Variants in PAPOLB observed in about 807,000 individuals in gnomAD.
PAPOLB encodes the protein poly(A) polymerase beta, also known as PAP-beta.
Under a neutral mutation model 23.2 loss-of-function variants are expected in PAPOLB, and 19 were observed. The ratio of observed to expected loss-of-function variants is 0.82; its 90% CI spans 0.57 to 1.20. The LOEUF (loss-of-function observed/expected upper bound fraction) is 1.20, where lower values mean the gene tolerates loss of function less well. Ranked by LOEUF, PAPOLB falls within the 50% of genes most tolerant of loss-of-function variation. PAPOLB has a pLI of 0.00. For missense variants in PAPOLB, 822 were observed against 776.8 expected (o/e 1.06, Z -0.69); for synonymous variants, 360 against 290.7 (o/e 1.24, Z -2.43).
In PAPOLB at chr7:4,860,545, A is replaced by T; in HGVS notation, c.1266T>A (p.Phe422Leu). The T allele has an allele frequency of 3.1e-6, 5 of 1,614,240 alleles. No homozygotes were observed. ...TATCAGGATTTTCTTTGGGTGCTGG[A>T]AATGACTGTGGATTCACATGTGCCA... Reference protein sequence around the residue: ...ITLAHVNPQSFPAPKENPDME... With the variant: ...ITLAHVNPQSLPAPKENPDME... Residue 422 changes from phenylalanine (F) to leucine (L), a missense_variant, in exon 1 of 1, where the codon TTT becomes TTA. Around this residue, in one of 3 missense-constraint regions of PAPOLB, gnomAD observed 534 missense variants for 502.8 expected, o/e 1.06. Coordinates refer to ENST00000404991, the MANE Select transcript of PAPOLB (RefSeq NM_020144.5).
rs1784017540 is a variant in PAPOLB at position 4,861,875 on chromosome 7, G to A, written c.-65C>T. The A allele has an allele frequency of 8.5e-7, 1 of 1,178,500 alleles. No individual in the cohort carries two copies. Among genetic ancestry groups the A allele is most frequent in the Middle Eastern group, 3.0e-4 (1 of 3,322 alleles). 73.0% of individuals were successfully genotyped at this position (1,178,500 alleles called of 1,614,324 possible). The stretch of plus-strand genomic sequence containing the variant: ...CGCGACCTTCGCGGCCGCCGCCCGG[G>A]TCATGATCCGCTGAGGCGGAAGGGC... On this transcript the variant is annotated 5_prime_UTR_variant, in exon 1 of 1. Transcript: ENST00000404991.
At position 4,861,756 on chromosome 7, in the gene PAPOLB, T is replaced by C. The variant is rs764825786; in HGVS notation, c.55A>G (p.Asn19Asp). The C allele has an allele frequency of 8.7e-6, 13 of 1,488,652 alleles. 1 individual carries two copies. The highest frequency in any genetic ancestry group is 1.4e-5 in the South Asian group (1 of 69,286). 92.2% of individuals were successfully genotyped at this position (1,488,652 alleles called of 1,614,324 possible). The stretch of plus-strand genomic sequence containing the variant: ...ATAGGCGAGGAGACGCCGTAGCGAT[T>C]CGGCGGCGGCGCCGGCTGCGGTGGT... ...QGPPQPAPPP[N>D]RYGVSSPISL... Residue 19 changes from asparagine to aspartate, a missense_variant, in exon 1 of 1, where the codon AAT becomes GAT. This residue lies in a region of PAPOLB where 276 missense variants were observed against 243.9 expected (regional missense o/e 1.13). Transcript: ENST00000404991.
rs769998915 is a variant in PAPOLB, at chr7:4,861,844, C to CACCACCGCGACCTTCACGTCCCCA, written c.-35_-34insTGGGGACGTGAAGGTCGCGGTGGT. On this transcript the variant is annotated 5_prime_UTR_variant, in exon 1 of 1. Coordinates refer to ENST00000404991, the MANE Select transcript of PAPOLB (RefSeq NM_020144.5). ...GCCCGCCCCGCCAGGGCACGTCCCC[C>CACCACCGCGACCTTCACGTCCCCA]ACCACCGCGACCTTCGCGGCCGCCG... The CACCACCGCGACCTTCACGTCCCCA allele has an allele frequency of 7.2e-7, 1 of 1,394,990 alleles. No individual in the cohort carries two copies. Among genetic ancestry groups the CACCACCGCGACCTTCACGTCCCCA allele is most frequent in the Non-Finnish European group, 9.3e-7 (1 of 1,070,672 alleles). The allele number at this position is 1,394,990 out of a possible 1,614,324, so 86.4% of individuals were successfully genotyped here.
rs765846399 is a variant in PAPOLB, at chr7:4,858,172, G to C, written c.*1725C>G. 2.0e-5 allele frequency: 3 copies of C among 152,200 alleles called. No individual in the cohort carries two copies. The highest frequency in any genetic ancestry group is 4.8e-5 in the African/African-American group (2 of 41,434). 9.4% of individuals were successfully genotyped at this position (152,200 alleles called of 1,614,324 possible). On this transcript the variant is annotated 3_prime_UTR_variant, in exon 1 of 1. Transcript: ENST00000404991. Reference sequence around the variant, plus strand: ...TAATGGTGAAAGAAAAGTCTCTACAGCATAAAAGGACATGACTATATTCCA... The same window carrying C: ...TAATGGTGAAAGAAAAGTCTCTACACCATAAAAGGACATGACTATATTCCA...
Position 4,861,718 on chromosome 7 carries a change from G to C in PAPOLB, c.93C>G (p.Val31=). Residue 31 remains valine, a synonymous_variant, in exon 1 of 1, where the codon GTC becomes GTG. Transcript: ENST00000404991. ...TGAGGAGGCAGTCCGTCTCCTTGGG[G>C]ACCGCTAGACTGATAGGCGAGGAGA... ...YGVSSPISLA[V]PKETDCLLTQ... 6.5e-7 allele frequency: 1 copy of C among 1,544,698 alleles called. No homozygotes were observed. Among genetic ancestry groups the C allele is most frequent in the South Asian group, 1.3e-5 (1 of 79,766 alleles).
chr7:4,860,660 G>A lies in PAPOLB; in HGVS notation c.1151C>T (p.Thr384Ile), dbSNP rs777677624. 1.2e-5 allele frequency: 20 copies of A among 1,614,058 alleles called. No individual in the cohort carries two copies. The Admixed American group carries it at 2.7e-4, about 22-fold the overall frequency. The change falls in exon 1 of 1, where the codon ACA (threonine) becomes ATA (isoleucine). Residue 384 changes from threonine to isoleucine, a missense_variant. Physicochemically the swap from Thr to Ile is moderately conservative, Grantham distance 89 (BLOSUM62 -1). This residue lies in a region of PAPOLB where 534 missense variants were observed against 502.8 expected (regional missense o/e 1.06). Transcript: ENST00000404991. ...HYIVLLASAS[T>I]EKQHLEWVGL... is the part of the protein sequence containing the mutation. ...CACCCATTCTAAATGTTGTTTTTCT[G>A]TTGATGCACTTGCCAGAAGTACAAT...
In PAPOLB at chr7:4,860,070, T is replaced by G. The variant is rs757358423; in HGVS notation, c.1741A>C (p.Asn581His). Residue 581 changes from asparagine (N) to histidine (H), a missense_variant, in exon 1 of 1, where the codon AAT becomes CAT. By Grantham distance (68) the Asn-to-His change is moderately conservative (BLOSUM62 1). This residue lies in a region of PAPOLB where 534 missense variants were observed against 502.8 expected (regional missense o/e 1.06). Transcript: ENST00000404991. ...QATEFSLQQV[N>H]TNESSGVALN... is the part of the protein sequence containing the mutation. ...GCAACCCCTGAACTTTCATTGGTAT[T>G]CACCTGTTGCAAGGAAAATTCAGTA... 1.2e-6 allele frequency: 2 copies of G among 1,614,010 alleles called. No individual in the cohort carries two copies. Among genetic ancestry groups the G allele is most frequent in the South Asian group, 2.2e-5 (2 of 91,084 alleles).
chr7:4,859,777 G>A lies in PAPOLB; in HGVS notation c.*120C>T, dbSNP rs1783927944. On this transcript the variant is annotated 3_prime_UTR_variant, in exon 1 of 1. Transcript: ENST00000404991. The stretch of plus-strand genomic sequence containing the variant: ...TGTTCCCTGAGAGGCCAATAGAGAA[G>A]ATGCTGTCTGAATTTTTCTAATGGA... 7.8e-6 allele frequency: 5 copies of A among 641,002 alleles called. No individual in the cohort carries two copies. The South Asian group carries it at 7.9e-5, about 10-fold the overall frequency. The allele number at this position is 641,002 out of a possible 1,614,324, so 39.7% of individuals were successfully genotyped here.
chr7:4,861,855 C>T lies in PAPOLB; in HGVS notation c.-45G>A, dbSNP rs917488502. On this transcript the variant is annotated 5_prime_UTR_variant, in exon 1 of 1. Transcript: ENST00000404991. ...CAGGGCACGTCCCCCACCACCGCGA[C>T]CTTCGCGGCCGCCGCCCGGGTCATG... 1.5e-5 allele frequency: 20 copies of T among 1,310,686 alleles called. No homozygotes were observed. In the Admixed American group the frequency reaches 2.7e-4, roughly 18 times the overall value. The allele number at this position is 1,310,686 out of a possible 1,614,324, so 81.2% of individuals were successfully genotyped here. A position where few individuals can be genotyped will look rare whatever the true frequency, so the allele number is the denominator to read the frequency against.
chr7:4,861,655 G>C lies in PAPOLB; in HGVS notation c.156C>G (p.Val52=), dbSNP rs371428896. 1 of 1,605,762 alleles carries C rather than the reference G, an allele frequency of 6.2e-7. No homozygotes were observed. Among genetic ancestry groups the C allele is most frequent in the African/African-American group, 1.3e-5 (1 of 74,464 alleles). Residue 52 remains valine, a synonymous_variant, in exon 1 of 1, where the codon GTC becomes GTG. Coordinates refer to ENST00000404991, the MANE Select transcript of PAPOLB (RefSeq NM_020144.5). ...GCTGCAGTTCCTCTTCCTCTTCGAAGACCCCGAAGGGCCTGAGGGTTTCTA... is the reference window on the plus strand; with the variant it reads ...GCTGCAGTTCCTCTTCCTCTTCGAACACCCCGAAGGGCCTGAGGGTTTCTA... ...RLIETLRPFG[V]FEEEEELQRR...
At position 4,860,340 on chromosome 7, in the gene PAPOLB, T is replaced by C. The variant is rs1019790222; in HGVS notation, c.1471A>G (p.Arg491Gly). 1.2e-6 allele frequency: 2 copies of C among 1,613,926 alleles called. No individual in the cohort carries two copies. The highest frequency in any genetic ancestry group is 1.3e-5 in the African/African-American group (1 of 74,954). The part of the protein sequence containing the change: ...GMKITAMHLR[R>G]KELHQLLPHH... Reference sequence around the variant, plus strand: ...GGCAGCAGCTGGTGAAGTTCCTTTCTTCTTAAATGCATTGCAGTAATTTTC... The same window carrying C: ...GGCAGCAGCTGGTGAAGTTCCTTTCCTCTTAAATGCATTGCAGTAATTTTC... The change falls in exon 1 of 1, where the codon AGA (arginine) becomes GGA (glycine). Residue 491 changes from arginine (R) to glycine (G), a missense_variant. Around this residue, in one of 3 missense-constraint regions of PAPOLB, gnomAD observed 534 missense variants for 502.8 expected, o/e 1.06. Coordinates refer to ENST00000404991, the MANE Select transcript of PAPOLB (RefSeq NM_020144.5).
Position 4,860,715 on chromosome 7 carries a change from G to A in PAPOLB, c.1096C>T (p.Pro366Ser). Reference sequence around the variant, plus strand: ...TGCTTGTACTTTTGAAAGAAGCTTGGAGCTTCAAAGAGTTTGGACCACTCT... The same window carrying A: ...TGCTTGTACTTTTGAAAGAAGCTTGAAGCTTCAAAGAGTTTGGACCACTCT... ...KAEWSKLFEAPSFFQKYKHYI... is the reference protein window; with the variant it reads ...KAEWSKLFEASSFFQKYKHYI... Residue 366 changes from proline (P) to serine (S), a missense_variant, in exon 1 of 1, where the codon CCA becomes TCA. Pro to Ser is a moderately conservative substitution (Grantham distance 74). Around this residue, in one of 3 missense-constraint regions of PAPOLB, gnomAD observed 534 missense variants for 502.8 expected, o/e 1.06. Transcript: ENST00000404991. 1.1e-5 allele frequency: 17 copies of A among 1,614,074 alleles called. No homozygotes were observed. The highest frequency in any genetic ancestry group is 1.4e-5 in the Non-Finnish European group (16 of 1,179,956).
At position 4,861,709 on chromosome 7, in the gene PAPOLB, C is replaced by T. The variant is rs764879207; in HGVS notation, c.102G>A (p.Glu34=). The T allele has an allele frequency of 6.4e-7, 1 of 1,572,110 alleles. No individual in the cohort carries two copies. Among genetic ancestry groups the T allele is most frequent in the Non-Finnish European group, 8.6e-7 (1 of 1,161,846 alleles). The change falls in exon 1 of 1, where the codon GAG becomes GAA. Residue 34 remains glutamate (E), a synonymous_variant. Coordinates refer to ENST00000404991, the MANE Select transcript of PAPOLB (RefSeq NM_020144.5). The part of the protein sequence containing the change: ...SSPISLAVPK[E]TDCLLTQRLI... ...GCCTCTGGGTGAGGAGGCAGTCCGTCTCCTTGGGGACCGCTAGACTGATAG... is the reference window on the plus strand; with the variant it reads ...GCCTCTGGGTGAGGAGGCAGTCCGTTTCCTTGGGGACCGCTAGACTGATAG...
chr7:4,860,300 T>C lies in PAPOLB; in HGVS notation c.1511A>G (p.Gln504Arg). The C allele has an allele frequency of 6.2e-7, 1 of 1,614,012 alleles. No individual in the cohort carries two copies. Among genetic ancestry groups the C allele is most frequent in the South Asian group, 1.1e-5 (1 of 91,088 alleles). ...TTCTGTTGAGTGTGCTTTCTTGTCC[T>C]GAAGCACATGATGAGGCAGCAGCTG... ...LHQLLPHHVL[Q>R]DKKAHSTEGR... Residue 504 changes from glutamine (Q) to arginine (R), a missense_variant, in exon 1 of 1, where the codon CAG becomes CGG. By Grantham distance (43) the Gln-to-Arg change is conservative. This residue lies in a region of PAPOLB where 534 missense variants were observed against 502.8 expected (regional missense o/e 1.06). Coordinates refer to ENST00000404991, the MANE Select transcript of PAPOLB (RefSeq NM_020144.5).
Position 4,861,858 on chromosome 7 carries a change from T to TCACGTCCCCCACCAC in PAPOLB, c.-49_-48insGTGGTGGGGGACGTG, listed in dbSNP as rs754500617. ...GGCACGTCCCCCACCACCGCGACCT[T>TCACGTCCCCCACCAC]CGCGGCCGCCGCCCGGGTCATGATC... On this transcript the variant is annotated 5_prime_UTR_variant, in exon 1 of 1. Coordinates refer to ENST00000404991, the MANE Select transcript of PAPOLB (RefSeq NM_020144.5). 4.1e-4 allele frequency: 524 copies of TCACGTCCCCCACCAC among 1,291,112 alleles called. No individual in the cohort carries two copies. The highest frequency in any genetic ancestry group is 4.7e-4 in the Non-Finnish European group (467 of 989,046). The allele number at this position is 1,291,112 out of a possible 1,614,324, so 80.0% of individuals were successfully genotyped here.
rs1783905125 is a variant in PAPOLB, at chr7:4,859,009, T to G, written c.*888A>C. The G allele has an allele frequency of 6.6e-6, 1 of 152,168 alleles. No homozygotes were observed. Among genetic ancestry groups the G allele is most frequent in the African/African-American group, 2.4e-5 (1 of 41,432 alleles). The allele number at this position is 152,168 out of a possible 1,614,324, so 9.4% of individuals were successfully genotyped here. On this transcript the variant is annotated 3_prime_UTR_variant, in exon 1 of 1. Coordinates refer to ENST00000404991, the MANE Select transcript of PAPOLB (RefSeq NM_020144.5). ...ATTACTCTAAAACAGTTCTACAGAT[T>G]AAAACCAGTGTGTCCTTTCTCCATA...
In PAPOLB at chr7:4,858,640, A is replaced by G. The variant is rs1227185063; in HGVS notation, c.*1257T>C. ...GAAATTAACTTTCCTATAAGGAGGT[A>G]TTCTGTGGAATGAACAAAACTTCTC... On this transcript the variant is annotated 3_prime_UTR_variant, in exon 1 of 1. Transcript: ENST00000404991. 1 of 152,632 alleles carries G rather than the reference A, an allele frequency of 6.6e-6. No individual in the cohort carries two copies. The highest frequency in any genetic ancestry group is 2.1e-4 in the South Asian group (1 of 4,832). The allele number at this position is 152,632 out of a possible 1,614,324, so 9.5% of individuals were successfully genotyped here.
rs771306521 is a variant in PAPOLB at position 4,860,795 on chromosome 7, A to G, written c.1016T>C (p.Ile339Thr). 1 of 1,614,136 alleles carries G rather than the reference A, an allele frequency of 6.2e-7. No individual in the cohort carries two copies. The highest frequency in any genetic ancestry group is 8.5e-7 in the Non-Finnish European group (1 of 1,180,030). The change falls in exon 1 of 1, where the codon ATT (isoleucine) becomes ACT (threonine). Residue 339 changes from isoleucine to threonine, a missense_variant. By Grantham distance (89) the Ile-to-Thr change is moderately conservative (BLOSUM62 -1). Transcript: ENST00000404991. ...AGCAAGCCCCTGTTTAAACTCCTCA[A>G]TCATGACCATCCTGGTTGAAATAGA... ...NVSISTRMVM[I>T]EEFKQGLAIT...
Position 4,860,664 on chromosome 7 carries a change from A to G in PAPOLB, c.1147T>C (p.Ser383Pro), listed in dbSNP as rs1239313921. ...CATTCTAAATGTTGTTTTTCTGTTGATGCACTTGCCAGAAGTACAATATAA... is the reference window on the plus strand; with the variant it reads ...CATTCTAAATGTTGTTTTTCTGTTGGTGCACTTGCCAGAAGTACAATATAA... Reference protein sequence around the residue: ...KHYIVLLASASTEKQHLEWVG... With the variant: ...KHYIVLLASAPTEKQHLEWVG... The change falls in exon 1 of 1, where the codon TCA (serine) becomes CCA (proline). Residue 383 changes from serine to proline, a missense_variant. Physicochemically the swap from Ser to Pro is moderately conservative, Grantham distance 74 (BLOSUM62 -1). Around this residue, in one of 3 missense-constraint regions of PAPOLB, gnomAD observed 534 missense variants for 502.8 expected, o/e 1.06. Coordinates refer to ENST00000404991, the MANE Select transcript of PAPOLB (RefSeq NM_020144.5). 6.2e-7 allele frequency: 1 copy of G among 1,614,182 alleles called. No homozygotes were observed. Among genetic ancestry groups the G allele is most frequent in the African/African-American group, 1.3e-5 (1 of 75,052 alleles).
Sources: gnomAD v4.1 joint callset for allele counts on GRCh38, gnomAD v4.1.1 for gene constraint, gnomAD v4.1.1 regional missense constraint, MANE v1.5 for transcripts, NCBI Gene and HGNC (gene_info 2026-07-23, HGNC 2026-07-21) for gene names.